DGKI: variants seen among roughly 807,000 people sequenced by gnomAD.
DGKI encodes the protein DAG kinase iota.
DGKI carries 55 observed loss-of-function variants against 147.5 expected under a neutral mutation model. That is an observed-to-expected ratio of 0.37 (90% CI 0.30 to 0.47). The LOEUF is 0.47. DGKI is among the 20% of genes least tolerant of loss of function. The pLI is 1.00. For synonymous variants in DGKI, 469 were observed against 477.1 expected, an observed-to-expected ratio of 0.98 and a Z score of 0.22; for missense variants, 1,007 against 1,323.8, an observed-to-expected ratio of 0.76 and a Z score of 3.71.
intron 1 of DGKI, among the ~76,000 whole-genome samples, chr7:137,754,779 C>G (rs1218328636): frequency 6.6e-6 from 1 of 152,174 alleles, no homozygotes; most frequent in Non-Finnish European, 1.5e-5. Flanking sequence ...GCAGCTTCCC[C>G]TGGGTCCTTG....
At chr7:137,711,035 C>T (rs1794193958) in intron 1 of DGKI, among the ~76,000 whole-genome samples, 2 of 152,178 alleles carry the variant, frequency 1.3e-5, no homozygotes, top group Non-Finnish European at 2.9e-5. Flanking sequence ...TCCTCCTCCT[C>T]CCCCTTTTCT....
rs117926651 is a variant in DGKI at position 137,639,412 on chromosome 7, C to T, written c.804+6060G>A. 2.8e-3 allele frequency among the ~76,000 whole-genome samples: 424 copies of T among 152,290 alleles called. 2 individuals are homozygous for T. The highest frequency in any genetic ancestry group is 4.1e-3 in the Non-Finnish European group (281 of 68,028). ...AGGGAACAAAGAGGCCATTTGCTTG[C>T]GTACCTGGAACCTTTTGGGATTGGG... On this transcript the variant is annotated intron_variant, in intron 6 of 32. Coordinates refer to ENST00000614521, the MANE Select transcript of DGKI (RefSeq NM_001321708.2).
At chr7:137,582,752 C>T (rs1187250934) in intron 14 of DGKI, among the ~76,000 whole-genome samples, 1 of 152,012 alleles carries the variant, frequency 6.6e-6, no homozygotes, top group Non-Finnish European at 1.5e-5. Flanking sequence ...ATTAAAACTG[C>T]AAAACTAATG....
intron 17 of DGKI, among the ~76,000 whole-genome samples, chr7:137,573,289 C>T (rs991698686): frequency 6.6e-6 from 1 of 152,096 alleles, no homozygotes; most frequent in Non-Finnish European, 1.5e-5. Flanking sequence ...TTATTTTCTT[C>T]GTTTTTTGAG....
intron 32 of DGKI, among the ~76,000 whole-genome samples, chr7:137,393,902 C>T (rs1479284024): frequency 6.6e-6 from 1 of 152,086 alleles, no homozygotes; most frequent in East Asian, 1.9e-4. Flanking sequence ...TTTGAGGAGG[C>T]CCCAGGGAAA....
intron 2 of DGKI, among the ~76,000 whole-genome samples, chr7:137,687,757 A>G (rs1823469820): frequency 6.6e-6 from 1 of 152,176 alleles, no homozygotes; most frequent in African/African-American, 2.4e-5. Flanking sequence ...CAGATCTCTA[A>G]GCCCTCAGAT....
chr7:137,477,599 G>A (rs1217582403), intron 23 of DGKI, among the ~76,000 whole-genome samples: 1 of 152,174 alleles, frequency 6.6e-6, no homozygotes, highest in East Asian at 1.9e-4. Flanking sequence ...AAAATAAATT[G>A]TGGTATAATA....
intron 23 of DGKI, among the ~76,000 whole-genome samples, chr7:137,477,303 A>G (rs1815203303): frequency 6.6e-6 from 1 of 152,236 alleles, no homozygotes; most frequent in Non-Finnish European, 1.5e-5. Context: ...ATTTTGGGTA[A>G]CTTTGCTGTA....
chr7:137,690,116 C>G lies in DGKI; in HGVS notation c.402-114G>C, dbSNP rs1047705407. The G allele has an allele frequency of 2.0e-5, 13 of 652,322 alleles. No homozygotes were observed. The African/African-American group carries it at 2.4e-4, about 12-fold the overall frequency. The allele number at this position is 652,322 out of a possible 1,614,324, so 40.4% of individuals were successfully genotyped here. The stretch of plus-strand genomic sequence containing the variant: ...ACAATGCCTGAGTTAGCCTCTTCCA[C>G]ATCTGAAAATCTTTACCAAAGTATT... On this transcript the variant is annotated intron_variant, in intron 1 of 32. Coordinates refer to ENST00000614521, the MANE Select transcript of DGKI (RefSeq NM_001321708.2).
rs573513264 is a variant in DGKI, at chr7:137,511,967, A to G, written c.2248+9899T>C. Among the ~76,000 whole-genome samples the G allele has an allele frequency of 1.9e-4, 29 of 152,270 alleles. No individual in the cohort carries two copies. In the East Asian group the frequency reaches 5.6e-3, roughly 29 times the overall value. On this transcript the variant is annotated intron_variant, in intron 21 of 32. Transcript: ENST00000614521. ...GTCCCTGTGGGAGTCCTCAGTTGTG[A>G]CTACAGCAAAGTTCAACATCTCCCT...
At chr7:137,726,525 G>A (rs1563169002) in intron 1 of DGKI, among the ~76,000 whole-genome samples, 3 of 152,160 alleles carry the variant, frequency 2.0e-5, no homozygotes, top group African/African-American at 7.2e-5. Flanking sequence ...GATGTTTGTT[G>A]TTAAAAAGAT....
chr7:137,790,305 A>G (rs1248700921), intron 1 of DGKI, among the ~76,000 whole-genome samples: 1 of 151,906 alleles, frequency 6.6e-6, no homozygotes, highest in Non-Finnish European at 1.5e-5. Flanking sequence ...CTATGACAGT[A>G]TGCTGCATTC....
At chr7:137,776,934 C>G (rs971241866) in intron 1 of DGKI, among the ~76,000 whole-genome samples, 3 of 151,994 alleles carry the variant, frequency 2.0e-5, no homozygotes, top group African/African-American at 4.8e-5. Flanking sequence ...CCTATAATCC[C>G]AGCAGTTTGG....
At chr7:137,455,436 T>C (rs1814154725) in intron 27 of DGKI, among the ~76,000 whole-genome samples, 1 of 152,094 alleles carries the variant, frequency 6.6e-6, no homozygotes. Flanking sequence ...GTGTTAGATA[T>C]TAAGAACTGC....
chr7:137,790,109 T>A (rs1390502994), intron 1 of DGKI, among the ~76,000 whole-genome samples: 1 of 152,128 alleles, frequency 6.6e-6, no homozygotes, highest in African/African-American at 2.4e-5. Flanking sequence ...CATAAATGAA[T>A]AAGCATGGCT....
chr7:137,846,134 T>TTCTCTCTCTCTCTCTCTC lies in DGKI; in HGVS notation c.401+310_401+327dup, dbSNP rs775814446. Among the ~76,000 whole-genome samples the TTCTCTCTCTCTCTCTCTC allele has an allele frequency of 1.1e-3, 98 of 85,328 alleles. 1 individual carries two copies. The highest frequency in any genetic ancestry group is 4.1e-3 in the East Asian group (10 of 2,448). The allele number at this position is 85,328 out of a possible 152,430, so 56.0% of individuals were successfully genotyped here. On this transcript the variant is annotated intron_variant, in intron 1 of 32. Transcript: ENST00000614521. The surrounding 1 kb of genome is among the most constrained non-coding windows in gnomAD (Gnocchi z 4.0). ...TCTGCAACCCTTTCTCTCTCTCTCT[T>TTCTCTCTCTCTCTCTCTC]TCTCTCTCTCTCTCTCTCTCTCTCT...
intron 1 of DGKI, among the ~76,000 whole-genome samples, chr7:137,723,210 C>G (rs1794619097): frequency 6.6e-6 from 1 of 152,304 alleles, no homozygotes; most frequent in Admixed American, 6.5e-5. Context: ...GCCATAGTAA[C>G]TCTGTGTAAT....
chr7:137,567,213 G>A (rs935108080), intron 19 of DGKI, among the ~76,000 whole-genome samples: 4 of 149,612 alleles, frequency 2.7e-5, no homozygotes, highest in Non-Finnish European at 4.4e-5. Context: ...ACAGTGAGCC[G>A]AGATTGCACC....
At chr7:137,556,416 G>A (rs150978351) in intron 19 of DGKI, among the ~76,000 whole-genome samples, 2 of 151,960 alleles carry the variant, frequency 1.3e-5, no homozygotes, top group African/African-American at 2.4e-5. Flanking sequence ...AAGAAAAAAT[G>A]CAAACTTACT....
Sources: allele counts gnomAD v4.1 joint callset (sites outside exome capture counted in the v4.1 genomes callset), GRCh38; gene constraint gnomAD v4.1.1; non-coding constraint Gnocchi (gnomAD v3.1); transcripts MANE v1.5; gene names NCBI Gene and HGNC (gene_info 2026-07-23, HGNC 2026-07-21).